KHDRBS2: variants seen among roughly 807,000 people sequenced by gnomAD.
KHDRBS2 encodes the protein KH domain-containing, RNA-binding, signal transduction-associated protein 2.
Under a neutral mutation model 44.3 loss-of-function variants are expected in KHDRBS2, and 26 were observed. That is an observed-to-expected ratio of 0.59 (90% CI 0.43 to 0.81). KHDRBS2 has a LOEUF of 0.81. Among genes scored for constraint, KHDRBS2 ranks in the 40% least tolerant of loss-of-function variants. KHDRBS2 has a pLI of 0.00. For synonymous variants in KHDRBS2, 194 were observed against 151.1 expected (o/e 1.28, Z -2.08); for missense variants, 476 against 433.1 (o/e 1.10, Z -0.88).
the KHDRBS2 span, among the ~76,000 whole-genome samples, chr6:61,599,283 A>G: frequency 6.6e-6 from 1 of 152,032 alleles, no homozygotes; most frequent in Non-Finnish European, 1.5e-5. Flanking sequence ...TTCCAATAAA[A>G]CAGCTGTTTA....
In KHDRBS2 at chr6:62,068,776, T is replaced by C. The variant is rs141149412; in HGVS notation, c.220-20782A>G. Among the ~76,000 whole-genome samples the C allele has an allele frequency of 4.6e-5, 7 of 151,770 alleles. No homozygotes were observed. In the East Asian group the frequency reaches 7.8e-4, roughly 17 times the overall value. ...CTATTCTTTACCTATTGAATGATCTTGGCATTATTATAAAAAATCAATTGA... is the reference window on the plus strand; with the variant it reads ...CTATTCTTTACCTATTGAATGATCTCGGCATTATTATAAAAAATCAATTGA... On this transcript the variant is annotated intron_variant, in intron 2 of 8. Transcript: ENST00000281156.
chr6:62,061,056 C>T (rs1342085324), intron 2 of KHDRBS2, among the ~76,000 whole-genome samples: 1 of 151,722 alleles, frequency 6.6e-6, no homozygotes, highest in Non-Finnish European at 1.5e-5. Context: ...TTATTTTGAG[C>T]CTATGTGTGT....
At chr6:61,900,110 C>T (rs1803695890) in intron 5 of KHDRBS2, among the ~76,000 whole-genome samples, 1 of 151,996 alleles carries the variant, frequency 6.6e-6, no homozygotes, top group South Asian at 2.1e-4. Flanking sequence ...AGAAGTTTTG[C>T]TTTTAGTGAA....
chr6:62,129,843 T>C (rs1250064578), intron 2 of KHDRBS2, among the ~76,000 whole-genome samples: 1 of 152,136 alleles, frequency 6.6e-6, no homozygotes, highest in Non-Finnish European at 1.5e-5. Flanking sequence ...AATGGTATTC[T>C]AGAATTTTAA....
At chr6:62,041,203 C>A (rs1319443010) in intron 3 of KHDRBS2, among the ~76,000 whole-genome samples, 2 of 151,796 alleles carry the variant, frequency 1.3e-5, no homozygotes, top group African/African-American at 2.4e-5. Flanking sequence ...TGGTGGCGGG[C>A]GCCTGTAATC....
the KHDRBS2 span, among the ~76,000 whole-genome samples, chr6:61,564,431 C>T: frequency 6.6e-6 from 1 of 152,040 alleles, no homozygotes; most frequent in Non-Finnish European, 1.5e-5. Context: ...CTTTACATGG[C>T]CCACATTTAC....
chr6:62,102,944 T>G (rs531861386), intron 2 of KHDRBS2, among the ~76,000 whole-genome samples: 1 of 152,198 alleles, frequency 6.6e-6, no homozygotes, highest in African/African-American at 2.4e-5. Flanking sequence ...GAGAGGAACT[T>G]TATTGAGCGA....
intron 7 of KHDRBS2, among the ~76,000 whole-genome samples, chr6:61,719,253 C>G (rs1242275613): frequency 1.3e-5 from 2 of 152,100 alleles, no homozygotes; most frequent in Non-Finnish European, 1.5e-5. Flanking sequence ...AATCAAAGAT[C>G]TGAATTGGTC....
intron 6 of KHDRBS2, among the ~76,000 whole-genome samples, chr6:61,804,091 T>C (rs1303117925): frequency 6.6e-6 from 1 of 152,046 alleles, no homozygotes; most frequent in Admixed American, 6.6e-5. Flanking sequence ...TCCAAGTCCA[T>C]AGTCTCATTT....
At chr6:61,879,466 A>G (rs1799909184) in intron 6 of KHDRBS2, among the ~76,000 whole-genome samples, 1 of 151,882 alleles carries the variant, frequency 6.6e-6, no homozygotes, top group African/African-American at 2.4e-5. Context: ...TTTCAGGCCT[A>G]TGTCTGATAT....
chr6:61,712,110 T>C (rs1338017932), intron 7 of KHDRBS2, among the ~76,000 whole-genome samples: 2 of 151,736 alleles, frequency 1.3e-5, no homozygotes, highest in Non-Finnish European at 2.9e-5. Flanking sequence ...TTCACGGCAA[T>C]GGCAAGAAGA....
At chr6:62,050,649 G>A (rs1180415704) in intron 2 of KHDRBS2, among the ~76,000 whole-genome samples, 2 of 151,808 alleles carry the variant, frequency 1.3e-5, no homozygotes, top group Non-Finnish European at 2.9e-5. Flanking sequence ...AAAACTCATG[G>A]TAAATGCTGA....
intron 2 of KHDRBS2, among the ~76,000 whole-genome samples, chr6:62,124,169 T>A (rs1300414914): frequency 6.6e-6 from 1 of 152,214 alleles, no homozygotes; most frequent in Non-Finnish European, 1.5e-5. Flanking sequence ...AGCTTCCTAC[T>A]CTTGCCTGAG....
intron 3 of KHDRBS2, among the ~76,000 whole-genome samples, chr6:62,008,797 CA>C (rs532926741): frequency 6.0e-4 from 91 of 152,290 alleles, no homozygotes; most frequent in African/African-American, 2.1e-3. Context: ...TGCCTGCTGC[CA>C]TCTGTGTAAG....
intron 1 of KHDRBS2, among the ~76,000 whole-genome samples, chr6:62,265,628 T>C (rs1015298047): frequency 5.3e-5 from 8 of 152,004 alleles, no homozygotes; most frequent in African/African-American, 1.9e-4. Context: ...CCAAAGCCTA[T>C]AAATATTACA....
At chr6:62,019,896 CATT>C (rs1364116479) in intron 3 of KHDRBS2, among the ~76,000 whole-genome samples, 2 of 151,362 alleles carry the variant, frequency 1.3e-5, no homozygotes, top group South Asian at 2.1e-4. Context: ...TTTTATTCAT[CATT>C]ATTTTTGTTT....
chr6:62,008,614 T>G (rs575575792), intron 3 of KHDRBS2, among the ~76,000 whole-genome samples: 2 of 152,288 alleles, frequency 1.3e-5, no homozygotes, highest in Admixed American at 1.3e-4. Context: ...TGTGTCCCCA[T>G]GCACATCTCA....
chr6:61,596,841 G>A, the KHDRBS2 span, among the ~76,000 whole-genome samples: 2 of 151,966 alleles, frequency 1.3e-5, no homozygotes, highest in East Asian at 1.9e-4. Flanking sequence ...TAGTAGAGAC[G>A]GAGTTTCCCC....
intron 1 of KHDRBS2, among the ~76,000 whole-genome samples, chr6:62,234,222 T>C (rs1042634789): frequency 2.0e-5 from 3 of 152,096 alleles, no homozygotes; most frequent in African/African-American, 7.2e-5. Context: ...GCACCTACGG[T>C]TGAAAGAAAA....
Sources: gnomAD v4.1 joint callset for allele counts (sites outside exome capture counted in the v4.1 genomes callset) on GRCh38, gnomAD v4.1.1 for gene constraint, MANE v1.5 for transcripts, NCBI Gene and HGNC (gene_info 2026-07-23, HGNC 2026-07-21) for gene names.